Variants in CNTNAP2 observed in about 807,000 individuals in gnomAD.
CNTNAP2 encodes contactin associated protein 2, also known as contactin-associated protein-like 2.
CNTNAP2 carries 98 observed loss-of-function variants against 155.2 expected under a neutral mutation model. The observed-to-expected ratio is 0.63, with a 90% CI of 0.54 to 0.75. The LOEUF (loss-of-function observed/expected upper bound fraction) is 0.75, where lower values mean the gene tolerates loss of function less well. CNTNAP2 is among the 30% of genes least tolerant of loss of function. CNTNAP2 has a pLI of 0.00. For synonymous variants in CNTNAP2, 651 were observed against 631.2 expected, an observed-to-expected ratio of 1.03 and a Z score of -0.47; for missense variants, 1,727 against 1,688.1, an observed-to-expected ratio of 1.02 and a Z score of -0.40.
At chr7:148,322,631 A>G (rs577615200) in intron 21 of CNTNAP2, among the ~76,000 whole-genome samples, 3 of 152,292 alleles carry the variant, frequency 2.0e-5, no homozygotes, top group South Asian at 4.1e-4. Flanking sequence ...TTTTGCTGCA[A>G]TATGTTTACA....
intron 1 of CNTNAP2, among the ~76,000 whole-genome samples, chr7:146,656,783 C>T (rs1248193588): frequency 6.6e-6 from 1 of 152,184 alleles, no homozygotes; most frequent in South Asian, 2.1e-4. Flanking sequence ...AAATTATAAA[C>T]ACCTTAATCA....
chr7:146,643,010 G>GTT (rs1799739527), intron 1 of CNTNAP2, among the ~76,000 whole-genome samples: 1 of 136,932 alleles, frequency 7.3e-6, no homozygotes, highest in Non-Finnish European at 1.6e-5. Context: ...GGGGTTTTTT[G>GTT]TTTTTTTCTT....
chr7:146,382,914 C>T (rs1289527063), intron 1 of CNTNAP2, among the ~76,000 whole-genome samples: 1 of 151,942 alleles, frequency 6.6e-6, no homozygotes, highest in Non-Finnish European at 1.5e-5. Flanking sequence ...TACATAAAAC[C>T]TTTGAAAATT....
chr7:146,751,441 T>G (rs900233794), intron 1 of CNTNAP2, among the ~76,000 whole-genome samples: 1 of 152,170 alleles, frequency 6.6e-6, no homozygotes, highest in Admixed American at 6.5e-5. Context: ...ACACACCCAC[T>G]GACTGAGTCT....
chr7:146,609,095 T>C (rs1799093506), intron 1 of CNTNAP2, among the ~76,000 whole-genome samples: 1 of 152,156 alleles, frequency 6.6e-6, no homozygotes, highest in Non-Finnish European at 1.5e-5. Context: ...TTACTAGGTC[T>C]CAAAAATCTC....
chr7:146,133,396 G>A (rs62504789), intron 1 of CNTNAP2, among the ~76,000 whole-genome samples: 1 of 151,900 alleles, frequency 6.6e-6, no homozygotes, highest in African/African-American at 2.4e-5. Flanking sequence ...TTCTTTTGCT[G>A]TGCAGAAGCT....
rs368549300 is a variant in CNTNAP2 at position 146,872,901 on chromosome 7, G to A, written c.402+32997G>A. Among the ~76,000 whole-genome samples, 7 of 152,098 alleles carry A rather than the reference G, an allele frequency of 4.6e-5. No homozygotes were observed. The South Asian group carries it at 8.3e-4, about 18-fold the overall frequency. ...GTTGAGAAAATTCATTTTAGCCAAT[G>A]TTTATCGTTATTCCAAATGGGAGCA... is the stretch of plus-strand genomic sequence containing the variant. On this transcript the variant is annotated intron_variant, in intron 3 of 23. Coordinates refer to ENST00000361727, the MANE Select transcript of CNTNAP2 (RefSeq NM_014141.6).
chr7:147,642,239 C>A lies in CNTNAP2; in HGVS notation c.2098+2933C>A, dbSNP rs534911709. The stretch of plus-strand genomic sequence containing the variant: ...GAGGTGGGGACAAATTCCTGACCAG[C>A]AAAAGAACCTTGGTACTCTCAGCTT... On this transcript the variant is annotated intron_variant, in intron 13 of 23. Transcript: ENST00000361727. 5.5e-4 allele frequency among the ~76,000 whole-genome samples: 83 copies of A among 152,142 alleles called. 4 individuals carry two copies. In the South Asian group the frequency reaches 0.017, roughly 30 times the overall value.
chr7:146,687,104 A>G (rs1328335385), intron 1 of CNTNAP2, among the ~76,000 whole-genome samples: 1 of 152,158 alleles, frequency 6.6e-6, no homozygotes, highest in Non-Finnish European at 1.5e-5. Flanking sequence ...TATTATTTTC[A>G]GAGAAAATTT....
At chr7:147,372,575 T>C (rs1796365230) in intron 9 of CNTNAP2, among the ~76,000 whole-genome samples, 1 of 152,148 alleles carries the variant, frequency 6.6e-6, no homozygotes, top group African/African-American at 2.4e-5. Flanking sequence ...AGTAATTCAG[T>C]AGCACTCAAT....
At chr7:146,191,588 T>A (rs1798706158) in intron 1 of CNTNAP2, among the ~76,000 whole-genome samples, 1 of 152,088 alleles carries the variant, frequency 6.6e-6, no homozygotes, top group Non-Finnish European at 1.5e-5. Context: ...GCTTATTTCA[T>A]CCCTTATCTT....
chr7:146,807,849 A>G (rs1488870867), intron 2 of CNTNAP2, among the ~76,000 whole-genome samples: 1 of 152,142 alleles, frequency 6.6e-6, no homozygotes, highest in Non-Finnish European at 1.5e-5. Flanking sequence ...ACTTCAGAGT[A>G]ATGGCTGTCT....
intron 1 of CNTNAP2, among the ~76,000 whole-genome samples, chr7:146,250,350 T>C (rs1799736796): frequency 6.6e-6 from 1 of 152,206 alleles, no homozygotes; most frequent in Non-Finnish European, 1.5e-5. Flanking sequence ...AACCGAAGTG[T>C]TGCTCGTTAA....
At chr7:146,297,587 G>A (rs1018353749) in intron 1 of CNTNAP2, among the ~76,000 whole-genome samples, 1 of 152,068 alleles carries the variant, frequency 6.6e-6, no homozygotes, top group Non-Finnish European at 1.5e-5. Flanking sequence ...GAAATAGGTA[G>A]ATAATATAGA....
chr7:147,304,616 C>T (rs2116779272), intron 9 of CNTNAP2, among the ~76,000 whole-genome samples: 1 of 152,170 alleles, frequency 6.6e-6, no homozygotes, highest in East Asian at 1.9e-4. Flanking sequence ...AATGGGGAAG[C>T]AGGCAGGTCT....
chr7:146,963,649 C>T (rs867728125), intron 3 of CNTNAP2, among the ~76,000 whole-genome samples: 7 of 151,736 alleles, frequency 4.6e-5, no homozygotes, highest in Non-Finnish European at 7.4e-5. Context: ...TATATTCAGC[C>T]AGATTTAAAA....
intron 2 of CNTNAP2, among the ~76,000 whole-genome samples, chr7:146,798,081 TG>T (rs1802803126): frequency 6.6e-6 from 1 of 151,996 alleles, no homozygotes; most frequent in South Asian, 2.1e-4. Context: ...TGAGACCAGC[TG>T]GGACAACATG....
intron 1 of CNTNAP2, among the ~76,000 whole-genome samples, chr7:146,166,604 C>T (rs1042010917): frequency 3.3e-5 from 5 of 152,132 alleles, no homozygotes; most frequent in African/African-American, 1.2e-4. Context: ...TACACGGTTG[C>T]ATACTAGTTA....
At chr7:146,329,666 C>T (rs984827106) in intron 1 of CNTNAP2, among the ~76,000 whole-genome samples, 6 of 152,130 alleles carry the variant, frequency 3.9e-5, no homozygotes, top group African/African-American at 1.2e-4. Context: ...TTGTTATGTA[C>T]CAAATTCTAA....
Sources: allele counts gnomAD v4.1 joint callset (sites outside exome capture counted in the v4.1 genomes callset), GRCh38; gene constraint gnomAD v4.1.1; transcripts MANE v1.5; gene names NCBI Gene and HGNC (gene_info 2026-07-23, HGNC 2026-07-21).